RGS5: variants seen among roughly 807,000 people sequenced by gnomAD.
RGS5 encodes the protein regulator of G protein signaling 5, also known as regulator of G-protein signalling 5.
In RGS5, 20 loss-of-function variants were observed where a neutral mutation model predicts 18.9. That is an observed-to-expected ratio of 1.06 (90% CI 0.74 to 1.54). The LOEUF (loss-of-function observed/expected upper bound fraction) is 1.54, where lower values mean the gene tolerates loss of function less well. Among genes scored for constraint, RGS5 ranks in the 40% most tolerant of loss-of-function variants. RGS5 has a pLI of 0.00. For synonymous variants in RGS5, 57 were observed against 76.2 expected (o/e 0.75, Z 1.31); for missense variants, 201 against 211.8 (o/e 0.95, Z 0.32).
intron 2 of RGS5, among the ~76,000 whole-genome samples, chr1:163,255,602 C>A (rs1648250623): frequency 6.6e-6 from 1 of 150,996 alleles, no homozygotes; most frequent in Non-Finnish European, 1.5e-5. Context: ...TCCTCCCTAA[C>A]TCATTTTATG....
At chr1:163,182,233 T>C (rs1333521546) in intron 1 of RGS5, among the ~76,000 whole-genome samples, 1 of 152,116 alleles carries the variant, frequency 6.6e-6, no homozygotes, top group Non-Finnish European at 1.5e-5. Flanking sequence ...TTCAGAAGAT[T>C]TCCACCTCAT....
At chr1:163,254,605 C>G (rs1648218460) in intron 2 of RGS5, among the ~76,000 whole-genome samples, 1 of 152,146 alleles carries the variant, frequency 6.6e-6, no homozygotes. Flanking sequence ...GTTGCCTGTT[C>G]ACTCTGATGG....
intron 2 of RGS5, among the ~76,000 whole-genome samples, chr1:163,233,145 T>C (rs1165319050): frequency 6.6e-6 from 1 of 152,238 alleles, no homozygotes; most frequent in Non-Finnish European, 1.5e-5. Flanking sequence ...CATGGTTAGA[T>C]TTAATTATGA....
At chr1:163,256,203 T>A (rs953262848) in intron 2 of RGS5, among the ~76,000 whole-genome samples, 1 of 152,132 alleles carries the variant, frequency 6.6e-6, no homozygotes, top group Non-Finnish European at 1.5e-5. Flanking sequence ...ATTGTATATC[T>A]AGAAAACCCC....
At chr1:163,164,633 G>A (rs1305770169) in intron 2 of RGS5, among the ~76,000 whole-genome samples, 3 of 152,148 alleles carry the variant, frequency 2.0e-5, no homozygotes, top group South Asian at 4.1e-4. Context: ...TGCAATAAAT[G>A]TGTGTCAGAT....
chr1:163,240,454 G>A (rs1438863232), intron 2 of RGS5, among the ~76,000 whole-genome samples: 1 of 151,778 alleles, frequency 6.6e-6, no homozygotes. Context: ...TAGACCATAT[G>A]CATCAGGAGG....
At chr1:163,312,267 T>A (rs1270555462) in intron 1 of RGS5, among the ~76,000 whole-genome samples, 2 of 152,204 alleles carry the variant, frequency 1.3e-5, no homozygotes, top group Admixed American at 6.5e-5. Flanking sequence ...TCCAGAGGCC[T>A]CCCCAGCCAT....
chr1:163,185,492 T>C (rs1659031396), intron 1 of RGS5, among the ~76,000 whole-genome samples: 1 of 152,194 alleles, frequency 6.6e-6, no homozygotes, highest in Non-Finnish European at 1.5e-5. Flanking sequence ...AGTTATCCTC[T>C]CAACCCCCCA....
At chr1:163,256,199 T>C (rs1387348934) in intron 2 of RGS5, among the ~76,000 whole-genome samples, 1 of 152,116 alleles carries the variant, frequency 6.6e-6, no homozygotes, top group African/African-American at 2.4e-5. Context: ...CATGATTGTA[T>C]ATCTAGAAAA....
chr1:163,164,086 C>T (rs1657929140), intron 2 of RGS5, among the ~76,000 whole-genome samples: 1 of 152,094 alleles, frequency 6.6e-6, no homozygotes, highest in South Asian at 2.1e-4. Context: ...TGAAATTGGT[C>T]CAAATTGATT....
intron 1 of RGS5, among the ~76,000 whole-genome samples, chr1:163,185,255 C>A (rs1337913016): frequency 6.6e-6 from 1 of 152,028 alleles, no homozygotes; most frequent in Non-Finnish European, 1.5e-5. Context: ...ATTTTTATGG[C>A]TATGTTACCT....
chr1:163,247,228 C>A (rs1051715063), intron 2 of RGS5, among the ~76,000 whole-genome samples: 1 of 152,184 alleles, frequency 6.6e-6, no homozygotes, highest in African/African-American at 2.4e-5. Flanking sequence ...TCCCCCTAAA[C>A]CTAAAATAAA....
intron 1 of RGS5, among the ~76,000 whole-genome samples, chr1:163,195,823 A>AG (rs1486722471): frequency 6.6e-6 from 1 of 152,116 alleles, no homozygotes; most frequent in Non-Finnish European, 1.5e-5. Context: ...ATTGTTTAAT[A>AG]GGGGTCCTTC....
intron 1 of RGS5, among the ~76,000 whole-genome samples, chr1:163,216,879 T>G (rs893633974): frequency 6.6e-6 from 1 of 152,222 alleles, no homozygotes; most frequent in African/African-American, 2.4e-5. Context: ...CCTCGCCAAC[T>G]AAACTTCACA....
At position 163,202,810 on chromosome 1, in the gene RGS5, G is replaced by C; in HGVS notation, c.26C>G (p.Pro9Arg). ...TTCTCACCTTTCCAGGCATGAGTGG[G>C]GCAAAGCTGCAAGTCCTTTGCACAT... is the stretch of plus-strand genomic sequence containing the variant. MCKGLAALPHSCLERAKEI... is the reference protein window; with the variant it reads MCKGLAALRHSCLERAKEI... The change falls in exon 1 of 5, where the codon CCC (proline) becomes CGC (arginine). Residue 9 changes from proline to arginine, a missense_variant. Pro to Arg is a moderately radical substitution (Grantham distance 103). Coordinates refer to ENST00000313961, the MANE Select transcript of RGS5 (RefSeq NM_003617.4). 1 of 1,613,478 alleles carries C rather than the reference G, an allele frequency of 6.2e-7. No individual in the cohort carries two copies.
At chr1:163,303,857 G>A (rs1649628110) in intron 2 of RGS5, among the ~76,000 whole-genome samples, 1 of 152,144 alleles carries the variant, frequency 6.6e-6, no homozygotes, top group African/African-American at 2.4e-5. Flanking sequence ...AGGGATCTAG[G>A]TTGCACACTA....
chr1:163,192,923 T>G (rs1406127362), intron 1 of RGS5, among the ~76,000 whole-genome samples: 1 of 152,212 alleles, frequency 6.6e-6, no homozygotes, highest in Non-Finnish European at 1.5e-5. Flanking sequence ...AGGAAGCTAT[T>G]TTTTAATGGA....
intron 2 of RGS5, among the ~76,000 whole-genome samples, chr1:163,271,475 C>T (rs924448003): frequency 6.6e-6 from 1 of 152,136 alleles, no homozygotes; most frequent in Non-Finnish European, 1.5e-5. Context: ...TAAGAAGGCC[C>T]TCACCAGATA....
chr1:163,252,158 C>T (rs1648127643), intron 2 of RGS5, among the ~76,000 whole-genome samples: 1 of 152,154 alleles, frequency 6.6e-6, no homozygotes, highest in South Asian at 2.1e-4. Context: ...CACATCCTTC[C>T]CAACACTTGG....
Sources: gnomAD v4.1 joint callset for allele counts (sites outside exome capture counted in the v4.1 genomes callset) on GRCh38, gnomAD v4.1.1 for gene constraint, MANE v1.5 for transcripts, NCBI Gene and HGNC (gene_info 2026-07-23, HGNC 2026-07-21) for gene names.